The following OPHN1 variants were observed in gnomAD, a reference collection of about 807,000 sequenced individuals.
OPHN1 encodes oligophrenin 1.
A neutral mutation model predicts 60.7 loss-of-function variants in OPHN1; 11 were observed. The observed-to-expected ratio is 0.18, with a 90% CI of 0.11 to 0.30. OPHN1 has a LOEUF of 0.30. Among genes scored for constraint, OPHN1 ranks in the 10% least tolerant of loss-of-function variants. The pLI is 1.00. For synonymous variants in OPHN1, 226 were observed against 222.6 expected, an observed-to-expected ratio of 1.02 and a Z score of -0.14; for missense variants, 449 against 611.0, an observed-to-expected ratio of 0.73 and a Z score of 2.80.
intron 2 of OPHN1, among the ~76,000 whole-genome samples, chrX:68,319,353 T>A (rs2147658602): frequency 9.0e-6 from 1 of 111,683 alleles, no homozygotes; most frequent in South Asian, 3.7e-4. Context: ...AACAACAGAA[T>A]TTTTAGGAGA....
chrX:68,192,664 T>C (rs746814153), intron 15 of OPHN1: 7 of 368,480 alleles, frequency 1.9e-5, no homozygotes, highest in African/African-American at 5.1e-5. Context: ...ACAGTTCCAG[T>C]TGAGATGTAG....
intron 20 of OPHN1, chrX:68,071,752 T>C (rs1249506118): frequency 2.3e-5 from 11 of 469,397 alleles, no homozygotes; most frequent in Non-Finnish European, 3.5e-5. Context: ...AATGTCAGCT[T>C]GTTAGAAAGC....
At chrX:68,213,419 G>T (rs1176517458) in intron 7 of OPHN1, among the ~76,000 whole-genome samples, 1 of 110,953 alleles carries the variant, frequency 9.0e-6, no homozygotes, top group African/African-American at 3.3e-5. Flanking sequence ...ATGAAAAAAC[G>T]TGAAATGGGA....
intron 18 of OPHN1, among the ~76,000 whole-genome samples, chrX:68,108,949 A>G (rs1161247042): frequency 8.9e-6 from 1 of 111,785 alleles, no homozygotes; most frequent in African/African-American, 3.2e-5. Flanking sequence ...CCTACTTACC[A>G]CACCTATCCA....
At chrX:68,181,794 C>T (rs1329883675) in intron 15 of OPHN1, among the ~76,000 whole-genome samples, 4 of 111,827 alleles carry the variant, frequency 3.6e-5, no homozygotes, top group Non-Finnish European at 3.8e-5. Flanking sequence ...CGCCACTGCA[C>T]TCCAGCCTGG....
intron 5 of OPHN1, among the ~76,000 whole-genome samples, chrX:68,265,150 A>C (rs1602281509): frequency 8.9e-6 from 1 of 112,262 alleles, no homozygotes; most frequent in Non-Finnish European, 1.9e-5. Flanking sequence ...GCAGACTTAA[A>C]TGTCCCTGTC....
intron 15 of OPHN1, among the ~76,000 whole-genome samples, chrX:68,149,440 G>C (rs1045968414): frequency 9.0e-6 from 1 of 111,556 alleles, no homozygotes; most frequent in Admixed American, 9.6e-5. Context: ...CTCATAATTA[G>C]TATCATTTAT....
At chrX:68,341,465 A>G (rs2078351230) in intron 2 of OPHN1, among the ~76,000 whole-genome samples, 1 of 111,850 alleles carries the variant, frequency 8.9e-6, no homozygotes, top group Admixed American at 9.6e-5. Flanking sequence ...GGCAAACTCT[A>G]TAGGTCAAAC....
chrX:68,171,060 C>A (rs1445349079), intron 15 of OPHN1, among the ~76,000 whole-genome samples: 1 of 110,711 alleles, frequency 9.0e-6, no homozygotes, highest in Non-Finnish European at 1.9e-5. Context: ...TATTTGCTAG[C>A]ACAACAGGGT....
chrX:68,297,699 T>C (rs980172104), intron 3 of OPHN1, among the ~76,000 whole-genome samples: 1 of 111,628 alleles, frequency 9.0e-6, no homozygotes, highest in Non-Finnish European at 1.9e-5. Context: ...ATTGAACATC[T>C]ACTGTATGCC....
At chrX:68,139,455 A>AT (rs1317289536) in intron 15 of OPHN1, among the ~76,000 whole-genome samples, 1 of 111,476 alleles carries the variant, frequency 9.0e-6, no homozygotes, top group Non-Finnish European at 1.9e-5. Flanking sequence ...AAGATTGGTT[A>AT]TTTTTTGATA....
intron 21 of OPHN1, among the ~76,000 whole-genome samples, chrX:68,059,263 T>C (rs887856609): frequency 8.9e-6 from 1 of 112,069 alleles, no homozygotes; most frequent in Admixed American, 9.5e-5. Context: ...CCAAAGAATC[T>C]TAACATTTGC....
chrX:68,265,901 T>G (rs1448734203), intron 5 of OPHN1, among the ~76,000 whole-genome samples: 1 of 111,320 alleles, frequency 9.0e-6, no homozygotes, highest in Non-Finnish European at 1.9e-5. Context: ...CTGTAGCCAA[T>G]TCGATCAAGT....
intron 15 of OPHN1, among the ~76,000 whole-genome samples, chrX:68,143,931 A>T (rs2077253320): frequency 8.9e-6 from 1 of 111,946 alleles, no homozygotes; most frequent in Non-Finnish European, 1.9e-5. Flanking sequence ...CAAATTACCA[A>T]ACTGGGAGGT....
chrX:68,235,180 T>C (rs1714682372), intron 5 of OPHN1, among the ~76,000 whole-genome samples: 1 of 112,170 alleles, frequency 8.9e-6, no homozygotes, highest in Non-Finnish European at 1.9e-5. Flanking sequence ...TAAAGATTTG[T>C]GGCAGATGAA....
intron 15 of OPHN1, among the ~76,000 whole-genome samples, chrX:68,142,806 C>G (rs1412266687): frequency 8.9e-6 from 1 of 111,742 alleles, no homozygotes; most frequent in Non-Finnish European, 1.9e-5. Flanking sequence ...AATCTACGAT[C>G]AAATTCAATC....
chrX:68,309,962 T>G (rs1048579824), intron 2 of OPHN1, among the ~76,000 whole-genome samples: 4 of 111,952 alleles, frequency 3.6e-5, no homozygotes, highest in African/African-American at 9.7e-5. Context: ...GAATTCAATG[T>G]TAATGAATCA....
At chrX:68,294,027 C>T (rs1357017369) in intron 3 of OPHN1, among the ~76,000 whole-genome samples, 1 of 111,453 alleles carries the variant, frequency 9.0e-6, no homozygotes, top group Non-Finnish European at 1.9e-5. Flanking sequence ...GTTACCATTG[C>T]CTATTTAGTT....
intron 8 of OPHN1, among the ~76,000 whole-genome samples, chrX:68,211,587 T>C (rs1191525878): frequency 8.9e-6 from 1 of 112,330 alleles, no homozygotes; most frequent in African/African-American, 3.2e-5. Flanking sequence ...AAGGAATATA[T>C]GTGAAAAGGA....
Sources: gnomAD v4.1 joint callset for allele counts (sites outside exome capture counted in the v4.1 genomes callset) on GRCh38, gnomAD v4.1.1 for gene constraint, MANE v1.5 for transcripts, NCBI Gene and HGNC (gene_info 2026-07-23, HGNC 2026-07-21) for gene names.